The following CNTN6 variants were observed in gnomAD, a reference collection of about 807,000 sequenced individuals.
CNTN6 encodes the protein contactin 6.
A neutral mutation model predicts 122.8 loss-of-function variants in CNTN6; 137 were observed. The ratio of observed to expected loss-of-function variants is 1.12; its 90% confidence interval spans 0.97 to 1.29. The LOEUF (loss-of-function observed/expected upper bound fraction) is 1.29, where lower values mean the gene tolerates loss of function less well. Among genes scored for constraint, CNTN6 ranks in the 50% most tolerant of loss-of-function variants. The pLI is 0.00. For synonymous variants in CNTN6, 570 were observed against 426.0 expected, an observed-to-expected ratio of 1.34 and a Z score of -4.16; for missense variants, 1,634 against 1,223.4, an observed-to-expected ratio of 1.34 and a Z score of -5.01.
intron 1 of CNTN6, among the ~76,000 whole-genome samples, chr3:1,099,199 C>A (rs991528710): frequency 4.1e-4 from 62 of 152,258 alleles, no homozygotes; most frequent in African/African-American, 1.4e-3. Flanking sequence ...CGCCTGTAAT[C>A]CCAGCACTTT....
At chr3:1,277,341 G>GTTTTTTTTTT (rs1559684658) in intron 4 of CNTN6, among the ~76,000 whole-genome samples, 2 of 66,106 alleles carry the variant, frequency 3.0e-5, no homozygotes, top group African/African-American at 5.2e-5. Flanking sequence ...CTTTTAGTAG[G>GTTTTTTTTTT]TTTTCTTTTT....
intron 1 of CNTN6, among the ~76,000 whole-genome samples, chr3:1,096,997 T>C (rs945529025): frequency 3.3e-5 from 5 of 152,238 alleles, no homozygotes; most frequent in African/African-American, 1.2e-4. Flanking sequence ...TAAATAGCAA[T>C]CTTTCAGTTT....
At chr3:1,210,337 T>C (rs1281127721) in intron 2 of CNTN6, among the ~76,000 whole-genome samples, 1 of 148,890 alleles carries the variant, frequency 6.7e-6, no homozygotes, top group Admixed American at 6.7e-5. Flanking sequence ...AGAAAATTGG[T>C]AAAAGATAAA....
At chr3:1,096,241 A>C (rs942777245) in intron 1 of CNTN6, among the ~76,000 whole-genome samples, 15 of 151,838 alleles carry the variant, frequency 9.9e-5, no homozygotes, top group African/African-American at 3.1e-4. Context: ...AAATGCCTAC[A>C]TGATTCTTTT....
At chr3:1,274,249 A>C (rs975293485) in intron 4 of CNTN6, among the ~76,000 whole-genome samples, 21 of 152,090 alleles carry the variant, frequency 1.4e-4, no homozygotes, top group African/African-American at 4.8e-4. Context: ...GTCATAGAGG[A>C]CTCCCAAGTC....
intron 7 of CNTN6, among the ~76,000 whole-genome samples, chr3:1,316,162 G>T (rs964069890): frequency 2.6e-5 from 4 of 151,824 alleles, no homozygotes; most frequent in Non-Finnish European, 5.9e-5. Context: ...CCTATGAATT[G>T]TGTACTATTA....
At chr3:1,349,363 A>G (rs1362760507) in intron 11 of CNTN6, among the ~76,000 whole-genome samples, 1 of 151,738 alleles carries the variant, frequency 6.6e-6, no homozygotes, top group African/African-American at 2.4e-5. Flanking sequence ...CTTTTTACAG[A>G]TAGCCAAGCT....
intron 11 of CNTN6, among the ~76,000 whole-genome samples, chr3:1,337,217 T>C (rs989566486): frequency 3.9e-5 from 6 of 152,154 alleles, no homozygotes; most frequent in African/African-American, 1.4e-4. Flanking sequence ...TATCATTACA[T>C]TTTCTTCTTG....
intron 5 of CNTN6, among the ~76,000 whole-genome samples, chr3:1,283,419 G>A (rs1391282075): frequency 3.3e-5 from 5 of 152,082 alleles, no homozygotes; most frequent in Non-Finnish European, 7.4e-5. Flanking sequence ...CACAAAAAAT[G>A]TCGGCACAAA....
chr3:1,315,036 G>A (rs543905973), intron 7 of CNTN6, among the ~76,000 whole-genome samples: 1 of 151,952 alleles, frequency 6.6e-6, no homozygotes, highest in African/African-American at 2.4e-5. Context: ...GTGTAAAATT[G>A]GAGTTTAAAG....
chr3:1,129,844 T>G (rs1434339957), intron 1 of CNTN6, among the ~76,000 whole-genome samples: 1 of 149,534 alleles, frequency 6.7e-6, no homozygotes, highest in African/African-American at 2.5e-5. Context: ...AAGTCATGCT[T>G]TTGAAAACTA....
At chr3:1,347,434 G>A (rs943571425) in intron 11 of CNTN6, among the ~76,000 whole-genome samples, 12 of 152,054 alleles carry the variant, frequency 7.9e-5, no homozygotes, top group African/African-American at 2.7e-4. Context: ...GAGAAATGGC[G>A]TTATCACTAA....
chr3:1,106,139 G>T (rs1273360102), intron 1 of CNTN6, among the ~76,000 whole-genome samples: 3 of 151,286 alleles, frequency 2.0e-5, no homozygotes, highest in Non-Finnish European at 3.0e-5. Flanking sequence ...TGCATAAGGG[G>T]AACAGGAATA....
chr3:1,227,971 G>A lies in CNTN6; in HGVS notation c.336G>A (p.Arg112=). The A allele has an allele frequency of 3.1e-6, 5 of 1,613,508 alleles. No homozygotes were observed. The highest frequency in any genetic ancestry group is 4.2e-6 in the Non-Finnish European group (5 of 1,179,776). ...ATCTTCTGGGGACAATTCTGAGTCG[G>A]AAGGCAAAGCTCCAATTTGCATGTG... The part of the protein sequence containing the change: ...ATNLLGTILS[R]KAKLQFAYIE... The change falls in exon 4 of 23, where the codon CGG becomes CGA. Residue 112 remains arginine, a synonymous_variant. Coordinates refer to ENST00000446702, the MANE Select transcript of CNTN6 (RefSeq NM_001289080.2).
Position 1,374,016 on chromosome 3 carries a change from A to G in CNTN6, c.2038A>G (p.Ser680Gly). Residue 680 changes from serine to glycine, a missense_variant, in exon 16 of 23, where the codon AGC becomes GGC. Transcript: ENST00000446702. ...EYEFRVVAGN[S>G]IGIGEPSEPS... ...TGAATTTCGTGTTGTTGCCGGCAACAGCATTGGGATTGGAGAACCAAGTGA... is the reference window on the plus strand; with the variant it reads ...TGAATTTCGTGTTGTTGCCGGCAACGGCATTGGGATTGGAGAACCAAGTGA... 2 of 1,613,276 alleles carry G rather than the reference A, an allele frequency of 1.2e-6. No homozygotes were observed. The highest frequency in any genetic ancestry group is 1.7e-6 in the Non-Finnish European group (2 of 1,179,390).
At chr3:1,286,404 G>A (rs569248713) in intron 5 of CNTN6, among the ~76,000 whole-genome samples, 2 of 152,072 alleles carry the variant, frequency 1.3e-5, no homozygotes, top group East Asian at 1.9e-4. Context: ...GTGTCCATGT[G>A]TTCTCATTGT....
intron 1 of CNTN6, among the ~76,000 whole-genome samples, chr3:1,142,809 T>C (rs551094117): frequency 2.0e-5 from 3 of 152,052 alleles, no homozygotes; most frequent in African/African-American, 7.2e-5. Flanking sequence ...CTGACCCTTG[T>C]TTTAGCCTTT....
At chr3:1,141,820 C>T (rs1050581850) in intron 1 of CNTN6, among the ~76,000 whole-genome samples, 1 of 152,160 alleles carries the variant, frequency 6.6e-6, no homozygotes, top group Non-Finnish European at 1.5e-5. Context: ...TCTGTAGCTT[C>T]TAAGTTAGGT....
intron 1 of CNTN6, among the ~76,000 whole-genome samples, chr3:1,141,560 T>C (rs1232823760): frequency 1.3e-5 from 2 of 152,192 alleles, no homozygotes; most frequent in Non-Finnish European, 2.9e-5. Flanking sequence ...TTTCTACTTT[T>C]CCTGCTACCA....
Sources: gnomAD v4.1 joint callset for allele counts (sites outside exome capture counted in the v4.1 genomes callset) on GRCh38, gnomAD v4.1.1 for gene constraint, MANE v1.5 for transcripts, NCBI Gene and HGNC (gene_info 2026-07-23, HGNC 2026-07-21) for gene names.